MEAK7: variants seen among roughly 807,000 people sequenced by gnomAD.
MEAK7 encodes MTOR-associated protein MEAK7.
A neutral mutation model predicts 40.5 loss-of-function variants in MEAK7; 68 were observed. The observed-to-expected ratio is 1.68, with a 90% CI of 1.38 to 2.06. The LOEUF (loss-of-function observed/expected upper bound fraction) is 2.06. Ranked by LOEUF, MEAK7 falls within the 30% of genes most tolerant of loss-of-function variation. The pLI is 0.00. For synonymous variants in MEAK7, 338 were observed against 231.9 expected (o/e 1.46, Z -4.16); for missense variants, 918 against 580.5 (o/e 1.58, Z -5.98).
At chr16:84,489,587 C>T (rs969626601) in intron 3 of MEAK7, among the ~76,000 whole-genome samples, 165 bp from the exon 4 acceptor site, 4 of 152,170 alleles carry the variant, frequency 2.6e-5, no homozygotes, top group Admixed American at 6.5e-5. Context: ...TAATGATGCA[C>T]TTGGCTGGCC....
chr16:84,486,488 A>G (rs1440124167), intron 5 of MEAK7, 143 bp downstream of exon 5: 24 of 1,435,142 alleles, frequency 1.7e-5, no homozygotes, highest in African/African-American at 1.6e-4. Context: ...GCAGCATCAC[A>G]TTTTCCTATC....
Position 84,490,654 on chromosome 16 carries a change from A to ATGTGTGTGTGTGTGTGTGTGTG in MEAK7, c.385-1254_385-1233dup, listed in dbSNP as rs35489449. 2.6e-3 allele frequency among the ~76,000 whole-genome samples: 363 copies of ATGTGTGTGTGTGTGTGTGTGTG among 137,574 alleles called. 9 individuals are homozygous for ATGTGTGTGTGTGTGTGTGTGTG. The highest frequency in any genetic ancestry group is 9.4e-3 in the African/African-American group (340 of 36,094). The allele number at this position is 137,574 out of a possible 152,430, so 90.3% of individuals were successfully genotyped here. A position where few individuals can be genotyped will look rare whatever the true frequency, so the allele number is the denominator to read the frequency against. ...TCAGCTTAATTAAAAGCTAATCAAG[A>ATGTGTGTGTGTGTGTGTGTGTG]TGTGTGTGTGTGTGTGTGTGTGTGT... is the stretch of plus-strand genomic sequence containing the variant. On this transcript the variant is annotated intron_variant, in intron 3 of 7. Transcript: ENST00000343629.
At chr16:84,489,900 C>G (rs1050457960) in intron 3 of MEAK7, among the ~76,000 whole-genome samples, 6 of 152,138 alleles carry the variant, frequency 3.9e-5, no homozygotes, top group African/African-American at 1.4e-4. Flanking sequence ...AGCTCGCTTC[C>G]AACAGGGAAG....
In MEAK7 at chr16:84,501,195, G is replaced by C. The variant is rs572320454; in HGVS notation, c.-25-3084C>G. ...GGTGTAACAAGAAGAGTGAAGAGTGGAAAAGGTCCCAAAGGTCACATTCCA... is the reference window on the plus strand; with the variant it reads ...GGTGTAACAAGAAGAGTGAAGAGTGCAAAAGGTCCCAAAGGTCACATTCCA... On this transcript the variant is annotated intron_variant, in intron 1 of 7. Transcript: ENST00000343629. 4.3e-3 allele frequency among the ~76,000 whole-genome samples: 649 copies of C among 151,726 alleles called. 4 individuals are homozygous for C. Among genetic ancestry groups the C allele is most frequent in the Non-Finnish European group, 4.9e-3 (331 of 67,940 alleles).
intron 1 of MEAK7, 67 bp downstream of exon 1, chr16:84,504,534 G>T (rs936662537): frequency 1.1e-6 from 1 of 948,440 alleles, no homozygotes; most frequent in South Asian, 4.9e-5. Context: ...GTCTGCTCCA[G>T]TCCCCCGACT....
intron 6 of MEAK7, among the ~76,000 whole-genome samples, chr16:84,482,353 A>G (rs1912635611): frequency 6.6e-6 from 1 of 152,242 alleles, no homozygotes; most frequent in Non-Finnish European, 1.5e-5. Flanking sequence ...CAAGTGTGCC[A>G]TCTGCACACA....
chr16:84,485,641 T>TCTATCCAA (rs1912971238), intron 5 of MEAK7, among the ~76,000 whole-genome samples: 1 of 107,810 alleles, frequency 9.3e-6, no homozygotes, highest in Non-Finnish European at 2.4e-5. Flanking sequence ...TATCTATCTA[T>TCTATCCAA]CCATCCATCC....
In MEAK7 at chr16:84,495,876, G is replaced by C. The variant is rs748846826; in HGVS notation, c.191C>G (p.Thr64Ser). Residue 64 changes from threonine (T) to serine (S), a missense_variant, in exon 3 of 8, where the codon ACC becomes AGC. Physicochemically the swap from Thr to Ser is moderately conservative, Grantham distance 58. Coordinates refer to ENST00000343629, the MANE Select transcript of MEAK7 (RefSeq NM_020947.4). Reference sequence around the variant, plus strand: ...CCTCCGCATGCCATCATACAGCCTGGTGACCATCTCTGGGGGAAGAGCTTC... The same window carrying C: ...CCTCCGCATGCCATCATACAGCCTGCTGACCATCTCTGGGGGAAGAGCTTC... Reference protein sequence around the residue: ...VGEALPPEMVTRLYDGMRRVD... With the variant: ...VGEALPPEMVSRLYDGMRRVD... The C allele has an allele frequency of 3.1e-6, 5 of 1,614,076 alleles. No homozygotes were observed. In the South Asian group the frequency reaches 5.5e-5, roughly 18 times the overall value.
intron 3 of MEAK7, among the ~76,000 whole-genome samples, chr16:84,495,174 C>T (rs1260627201): frequency 2.0e-5 from 3 of 152,248 alleles, no homozygotes; most frequent in African/African-American, 7.2e-5. Flanking sequence ...GAGGCTGAGG[C>T]AGGAGAACCA....
intron 6 of MEAK7, among the ~76,000 whole-genome samples, chr16:84,481,106 G>A (rs550181043): frequency 6.6e-6 from 1 of 152,294 alleles, no homozygotes; most frequent in South Asian, 2.1e-4. Flanking sequence ...CCCTGTGTTG[G>A]GGCCCCAGTG....
chr16:84,481,812 T>C (rs940654918), intron 6 of MEAK7, among the ~76,000 whole-genome samples: 10 of 152,098 alleles, frequency 6.6e-5, no homozygotes, highest in African/African-American at 2.4e-4. Context: ...CGGGTGCCTG[T>C]GGTCCCAGCT....
intron 4 of MEAK7, chr16:84,487,903 A>C (rs1913235801): frequency 2.0e-5 from 3 of 152,192 alleles, no homozygotes. Context: ...GGAACAGAGG[A>C]GCTTTTACGT....
chr16:84,486,438 G>A, intron 5 of MEAK7, 193 bp downstream of exon 5: 13 of 1,379,630 alleles, frequency 9.4e-6, no homozygotes, highest in African/African-American at 5.8e-5. Context: ...GGGGTCACAC[G>A]GCCTGTCCTG....
chr16:84,494,752 A>C (rs1479502192), intron 3 of MEAK7: 1 of 445,564 alleles, frequency 2.2e-6, no homozygotes, highest in East Asian at 7.1e-5. Flanking sequence ...ACTAGGAATA[A>C]ACCATTCTGG....
chr16:84,504,550 G>T, intron 1 of MEAK7, 51 bp downstream of exon 1: 8 of 972,904 alleles, frequency 8.2e-6, no homozygotes, highest in Non-Finnish European at 9.8e-6. Flanking sequence ...CGACTCAGCT[G>T]GGCCTGCGCC....
rs762280340 is a variant in MEAK7 at position 84,479,806 on chromosome 16, C to G, written c.*107G>C. On this transcript the variant is annotated 3_prime_UTR_variant, in exon 8 of 8. Coordinates refer to ENST00000343629, the MANE Select transcript of MEAK7 (RefSeq NM_020947.4). ...TGGGACTACCAGGCTGTGACCCGTG[C>G]GGTACGCTATTACAGTTAAACCATG... is the stretch of plus-strand genomic sequence containing the variant. 7 of 763,826 alleles carry G rather than the reference C, an allele frequency of 9.2e-6. No individual in the cohort carries two copies. The African/African-American group carries it at 1.2e-4, about 14-fold the overall frequency. The allele number at this position is 763,826 out of a possible 1,614,324, so 47.3% of individuals were successfully genotyped here. A position where few individuals can be genotyped will look rare whatever the true frequency, so the allele number is the denominator to read the frequency against.
At chr16:84,489,494 G>A (rs1032327699) in intron 3 of MEAK7, 72 bp from the exon 4 acceptor site, 2 of 1,497,756 alleles carry the variant, frequency 1.3e-6, no homozygotes, top group East Asian at 2.4e-5. Context: ...CCCACATGGA[G>A]AAGGGCAATT....
intron 1 of MEAK7, among the ~76,000 whole-genome samples, chr16:84,500,988 G>C (rs1359669392): frequency 6.6e-6 from 1 of 151,822 alleles, no homozygotes; most frequent in Non-Finnish European, 1.5e-5. Context: ...CCAGCTACTT[G>C]GGAGGCTGAG....
At chr16:84,490,422 G>A (rs1308890607) in intron 3 of MEAK7, among the ~76,000 whole-genome samples, 1 of 148,452 alleles carries the variant, frequency 6.7e-6, no homozygotes, top group Non-Finnish European at 1.5e-5. Flanking sequence ...CTCTCGCTGG[G>A]CGGCTAAGTT....
Sources: gnomAD v4.1 joint callset for allele counts (sites outside exome capture counted in the v4.1 genomes callset) on GRCh38, gnomAD v4.1.1 for gene constraint, MANE v1.5 for transcripts, NCBI Gene and HGNC (gene_info 2026-07-23, HGNC 2026-07-21) for gene names.